Variants in CDH4 observed in about 807,000 individuals in gnomAD.
The protein encoded by CDH4 is cadherin-4.
CDH4 carries 33 observed loss-of-function variants against 86.0 expected under a neutral mutation model. That is an observed-to-expected ratio of 0.38 (90% CI 0.29 to 0.51). The LOEUF (loss-of-function observed/expected upper bound fraction) is 0.51. Among genes scored for constraint, CDH4 ranks in the 20% least tolerant of loss-of-function variants. CDH4 has a pLI of 0.86. For missense variants in CDH4, 1,114 were observed against 1,307.4 expected (o/e 0.85, Z 2.28); for synonymous variants, 555 against 549.4 (o/e 1.01, Z -0.14).
rs1021086904 is a variant in CDH4, at chr20:61,939,360, C to G, written c.*2417C>G. On this transcript the variant is annotated 3_prime_UTR_variant, in exon 16 of 16. Coordinates refer to ENST00000614565, the MANE Select transcript of CDH4 (RefSeq NM_001794.5). The stretch of plus-strand genomic sequence containing the variant: ...ATTGGCCGCCTCCCACTAGCTCCCC[C>G]TCCTCGCCCACAGCCTCTTGTCACT... 4.6e-5 allele frequency: 7 copies of G among 152,354 alleles called. No individual in the cohort carries two copies. The highest frequency in any genetic ancestry group is 1.7e-4 in the African/African-American group (7 of 41,468). 9.4% of individuals were successfully genotyped at this position (152,354 alleles called of 1,614,324 possible).
intron 4 of CDH4, among the ~76,000 whole-genome samples, chr20:61,831,741 C>A (rs1302389998): frequency 6.6e-6 from 1 of 152,254 alleles, no homozygotes; most frequent in East Asian, 1.9e-4. Context: ...ACAGGGATTT[C>A]TCCGCAACAT....
rs373689820 is a variant in CDH4 at position 61,714,021 on chromosome 20, T to TTTTTATTTTATTTTATTTTATTTTA, written c.170-29523_170-29499dup. 5.8e-3 allele frequency among the ~76,000 whole-genome samples: 792 copies of TTTTTATTTTATTTTATTTTATTTTA among 135,988 alleles called. 33 individuals are homozygous for TTTTTATTTTATTTTATTTTATTTTA. The highest frequency in any genetic ancestry group is 0.021 in the African/African-American group (717 of 33,788). The allele number at this position is 135,988 out of a possible 152,430, so 89.2% of individuals were successfully genotyped here. A position where few individuals can be genotyped will look rare whatever the true frequency, so the allele number is the denominator to read the frequency against. On this transcript the variant is annotated intron_variant, in intron 2 of 15. Transcript: ENST00000614565. ...CTGTCTTAGTCCATTGTCTATTCTT[T>TTTTTATTTTATTTTATTTTATTTTA]TTTTATTTTATTTTATTTTATTTTA...
rs577820202 is a variant in CDH4, at chr20:61,641,632, C to T, written c.170-101931C>T. On this transcript the variant is annotated intron_variant, in intron 2 of 15. Transcript: ENST00000614565. ...GATCAGATGGGGCTGCCTGACCCAC[C>T]AGGCACCACAGCACCCAGGACACCT... Among the ~76,000 whole-genome samples the T allele has an allele frequency of 1.6e-3, 237 of 151,724 alleles. 15 individuals are homozygous for T. Among genetic ancestry groups the T allele is most frequent in the African/African-American group, 5.5e-3 (227 of 41,208 alleles).
rs867005891 is a variant in CDH4, at chr20:61,598,860, C to T, written c.170-144703C>T. Among the ~76,000 whole-genome samples the T allele has an allele frequency of 6.6e-5, 10 of 152,302 alleles. No individual in the cohort carries two copies. In the South Asian group the frequency reaches 1.9e-3, roughly 28 times the overall value. Reference sequence around the variant, plus strand: ...CCCCTTCCCTACTGCAGGCACTGCCCGCCAAGCTTCCCTGGATGGCTCCTC... The same window carrying T: ...CCCCTTCCCTACTGCAGGCACTGCCTGCCAAGCTTCCCTGGATGGCTCCTC... On this transcript the variant is annotated intron_variant, in intron 2 of 15. Transcript: ENST00000614565.
chr20:61,378,298 A>G (rs562520062), intron 2 of CDH4, among the ~76,000 whole-genome samples: 1 of 152,348 alleles, frequency 6.6e-6, no homozygotes, highest in South Asian at 2.1e-4. Flanking sequence ...CTTCCCTTTA[A>G]AACTTTGAAA....
intron 8 of CDH4, among the ~76,000 whole-genome samples, chr20:61,899,864 T>C (rs1483853428): frequency 6.6e-6 from 1 of 152,196 alleles, no homozygotes; most frequent in African/African-American, 2.4e-5. Flanking sequence ...ACAGTTGATG[T>C]GGAAATACAG....
chr20:61,514,502 T>G (rs2085804238), intron 2 of CDH4, among the ~76,000 whole-genome samples: 1 of 152,220 alleles, frequency 6.6e-6, no homozygotes, highest in Non-Finnish European at 1.5e-5. Context: ...TACTGTTCCC[T>G]TCTCGCTTTT....
intron 4 of CDH4, among the ~76,000 whole-genome samples, chr20:61,808,244 G>A: frequency 6.6e-6 from 1 of 152,062 alleles, no homozygotes; most frequent in East Asian, 1.9e-4. Flanking sequence ...GCCAGTCACT[G>A]AGGAATCCTC....
At chr20:61,431,031 A>G (rs2085243359) in intron 2 of CDH4, among the ~76,000 whole-genome samples, 1 of 152,200 alleles carries the variant, frequency 6.6e-6, no homozygotes, top group Non-Finnish European at 1.5e-5. Context: ...GCCTCGATCC[A>G]GAGACTGTGT....
intron 2 of CDH4, among the ~76,000 whole-genome samples, chr20:61,360,392 C>T (rs28583328): frequency 0.23 from 34,664 of 152,110 alleles, 4,486 homozygotes; most frequent in South Asian, 0.35. Flanking sequence ...GAGAGAGCCG[C>T]GGTCAGGATC....
At chr20:61,256,002 T>C (rs958126226) in intron 2 of CDH4, among the ~76,000 whole-genome samples, 9 of 152,146 alleles carry the variant, frequency 5.9e-5, no homozygotes, top group Non-Finnish European at 1.0e-4. Context: ...ATCAAAAAAA[T>C]AAAAAATCTC....
chr20:61,878,191 G>A (rs947390803), intron 7 of CDH4, among the ~76,000 whole-genome samples: 11 of 152,288 alleles, frequency 7.2e-5, no homozygotes, highest in South Asian at 4.1e-4. Context: ...TGGGCAGCAC[G>A]TGCCCGGCAG....
chr20:61,547,143 C>T (rs1011293509), intron 2 of CDH4, among the ~76,000 whole-genome samples: 5 of 151,676 alleles, frequency 3.3e-5, no homozygotes, highest in Non-Finnish European at 5.9e-5. Flanking sequence ...CCAAGACCCC[C>T]AAGTGCAAGT....
intron 2 of CDH4, among the ~76,000 whole-genome samples, chr20:61,414,142 G>A (rs765347693): frequency 9.8e-5 from 15 of 152,338 alleles, no homozygotes; most frequent in East Asian, 3.9e-4. Context: ...AGGCGCTACC[G>A]CAAATACAGT....
rs1218305266 is a variant in CDH4 at position 61,852,823 on chromosome 20, A to G, written c.802A>G (p.Ile268Val). The G allele has an allele frequency of 6.2e-7, 1 of 1,614,108 alleles. No homozygotes were observed. Among genetic ancestry groups the G allele is most frequent in the South Asian group, 1.1e-5 (1 of 91,078 alleles). Residue 268 changes from isoleucine (I) to valine (V), a missense_variant, in exon 6 of 16, where the codon ATC becomes GTC. Around this residue, in one of 3 missense-constraint regions of CDH4, gnomAD observed 705 missense variants for 914.1 expected, o/e 0.77. Coordinates refer to ENST00000614565, the MANE Select transcript of CDH4 (RefSeq NM_001794.5). ...ENPIDLYIYV[I>V]DMNDNRPEFI... ...CCCCATCGACCTGTACATCTACGTC[A>G]TCGACATGAATGACAACCGCCCTGA...
At chr20:61,609,792 C>T (rs555210747) in intron 2 of CDH4, among the ~76,000 whole-genome samples, 1 of 152,328 alleles carries the variant, frequency 6.6e-6, no homozygotes, top group South Asian at 2.1e-4. Context: ...AGCTTGTCTG[C>T]GAATTCTCCA....
At chr20:61,297,497 C>T (rs2084362513) in intron 2 of CDH4, among the ~76,000 whole-genome samples, 1 of 152,254 alleles carries the variant, frequency 6.6e-6, no homozygotes, top group Non-Finnish European at 1.5e-5. Context: ...TCACCATGAA[C>T]ATATCTCAGA....
intron 3 of CDH4, among the ~76,000 whole-genome samples, chr20:61,745,661 C>A: frequency 6.6e-6 from 1 of 152,068 alleles, no homozygotes; most frequent in Non-Finnish European, 1.5e-5. Context: ...CCCTGGTGAG[C>A]AAGGCAGGCC....
chr20:61,287,791 C>T (rs1242726438), intron 2 of CDH4, among the ~76,000 whole-genome samples: 9 of 152,178 alleles, frequency 5.9e-5, no homozygotes, highest in African/African-American at 1.2e-4. Flanking sequence ...GCGTGAGTCC[C>T]GCACAGGAAG....
Sources: allele counts gnomAD v4.1 joint callset (sites outside exome capture counted in the v4.1 genomes callset), GRCh38; gene constraint gnomAD v4.1.1; regional missense constraint gnomAD v4.1.1; transcripts MANE v1.5; gene names NCBI Gene and HGNC (gene_info 2026-07-23, HGNC 2026-07-21).